IL1RN: variants seen among roughly 807,000 people sequenced by gnomAD.
The protein encoded by IL1RN is interleukin-1 receptor antagonist protein.
Under a neutral mutation model 13.7 loss-of-function variants are expected in IL1RN, and 10 were observed. That is an observed-to-expected ratio of 0.73 (90% CI 0.45 to 1.24). The LOEUF (loss-of-function observed/expected upper bound fraction) is 1.24. Ranked by LOEUF, IL1RN falls within the 50% of genes most tolerant of loss-of-function variation. IL1RN has a pLI of 0.00. For missense variants in IL1RN, 213 were observed against 222.1 expected (o/e 0.96, Z 0.26); for synonymous variants, 102 against 82.7 (o/e 1.23, Z -1.27).
chr2:113,127,526 G>A, upstream of IL1RN: 2 of 1,515,128 alleles, frequency 1.3e-6, no homozygotes, highest in East Asian at 4.8e-5. Context: ...TCGCAGTGGG[G>A]CAGGGTGGCA....
At chr2:113,114,680 TGAGA>T (rs143704495), upstream of IL1RN, among the ~76,000 whole-genome samples, 3 of 151,012 alleles carry the variant, frequency 2.0e-5, no homozygotes, top group South Asian at 2.1e-4. Context: ...TGTGTGTGTG[TGAGA>T]GAGAGAGAGA....
Position 113,127,670 on chromosome 2 carries a change from C to G in IL1RN, c.46C>G (p.Leu16Val). ...GLRSHLITLL[L>V]FLFHSETICR... The stretch of plus-strand genomic sequence containing the variant: ...CCGCAGTCACCTAATCACTCTCCTC[C>G]TCTTCCTGTTCCATTCAGAGACGAT... The change falls in exon 1 of 4, where the codon CTC becomes GTC. Residue 16 changes from leucine (L) to valine (V), a missense_variant. By Grantham distance (32) the Leu-to-Val change is conservative. Transcript: ENST00000409930. 2.5e-6 allele frequency: 4 copies of G among 1,614,136 alleles called. No homozygotes were observed. Among genetic ancestry groups the G allele is most frequent in the Non-Finnish European group, 3.4e-6 (4 of 1,180,024 alleles).
the IL1RN span, among the ~76,000 whole-genome samples, chr2:113,100,667 T>A: frequency 6.6e-6 from 1 of 152,162 alleles, no homozygotes; most frequent in Admixed American, 6.5e-5. Context: ...AGTTAGTAAG[T>A]GGTGCCGACA....
chr2:113,126,833 T>A (rs867036684), upstream of IL1RN, among the ~76,000 whole-genome samples: 1 of 152,224 alleles, frequency 6.6e-6, no homozygotes. Context: ...AGGTTGAATT[T>A]AGACCCATTC....
chr2:113,107,731 A>AAAACC (rs779447893), upstream of IL1RN, among the ~76,000 whole-genome samples: 19 of 152,150 alleles, frequency 1.2e-4, no homozygotes, highest in Admixed American at 3.3e-4. Flanking sequence ...AGACTGCCTC[A>AAAACC]AAACCAAACC....
At chr2:113,123,192 A>G (rs1686839810), upstream of IL1RN, among the ~76,000 whole-genome samples, 1 of 152,114 alleles carries the variant, frequency 6.6e-6, no homozygotes, top group African/African-American at 2.4e-5. Context: ...TTTATGACCA[A>G]CTCTCCTGCT....
chr2:113,128,839 G>A (rs1233725511), intron 1 of IL1RN, among the ~76,000 whole-genome samples: 1 of 152,160 alleles, frequency 6.6e-6, no homozygotes, highest in African/African-American at 2.4e-5. Context: ...ACAGCTTTGA[G>A]TCCTGCTCTC....
chr2:113,131,616 C>T (rs1435447281), intron 3 of IL1RN, among the ~76,000 whole-genome samples: 2 of 152,124 alleles, frequency 1.3e-5, no homozygotes, highest in African/African-American at 4.8e-5. Context: ...TAACCATCTA[C>T]CACAGGACCT....
At chr2:113,127,128 C>G (rs1179782049), upstream of IL1RN, among the ~76,000 whole-genome samples, 1 of 152,194 alleles carries the variant, frequency 6.6e-6, no homozygotes, top group Non-Finnish European at 1.5e-5. Flanking sequence ...CTATCTCGTC[C>G]TTTACAGAAT....
chr2:113,132,728 G>T lies in IL1RN; in HGVS notation c.391G>T (p.Gly131Cys), dbSNP rs1687217114. The T allele has an allele frequency of 4.3e-6, 7 of 1,614,190 alleles. No homozygotes were observed. The highest frequency in any genetic ancestry group is 2.2e-5 in the East Asian group (1 of 44,884). Residue 131 changes from glycine (G) to cysteine (C), a missense_variant, in exon 4 of 4, where the codon GGC (glycine) becomes TGC (cysteine). Physicochemically the swap from Gly to Cys is radical, Grantham distance 159. Transcript: ENST00000409930. ...KRFAFIRSDS[G>C]PTTSFESAAC... Reference sequence around the variant, plus strand: ...CTTCGCCTTCATCCGCTCAGACAGTGGCCCCACCACCAGTTTTGAGTCTGC... The same window carrying T: ...CTTCGCCTTCATCCGCTCAGACAGTTGCCCCACCACCAGTTTTGAGTCTGC...
chr2:113,130,614 C>CTTGGTTTAATCTTCTATTT (rs1687136120), intron 2 of IL1RN, among the ~76,000 whole-genome samples: 3 of 117,856 alleles, frequency 2.5e-5, no homozygotes, highest in East Asian at 2.5e-4. Flanking sequence ...GGGTAGTGTG[C>CTTGGTTTAATCTTCTATTT]ATCCTGGGGA....
chr2:113,103,128 T>C (rs115405746), upstream of IL1RN, among the ~76,000 whole-genome samples: 614 of 152,206 alleles, frequency 4.0e-3, 2 homozygotes, highest in African/African-American at 0.014. Flanking sequence ...TAGATCAGAG[T>C]GGGCACATGG....
the IL1RN span, among the ~76,000 whole-genome samples, chr2:113,099,895 C>T: frequency 4.5e-4 from 62 of 137,638 alleles, no homozygotes; most frequent in South Asian, 2.5e-3. Context: ...CCACCACGCC[C>T]GGCTAATTTT....
upstream of IL1RN, among the ~76,000 whole-genome samples, chr2:113,127,117 A>G (rs979349858): frequency 6.6e-6 from 1 of 152,236 alleles, no homozygotes; most frequent in African/African-American, 2.4e-5. Flanking sequence ...TAAAATATTT[A>G]CTATCTCGTC....
upstream of IL1RN, among the ~76,000 whole-genome samples, chr2:113,103,966 T>C (rs1460904959): frequency 6.6e-6 from 1 of 151,660 alleles, no homozygotes; most frequent in African/African-American, 2.4e-5. Flanking sequence ...CACCAAGTTA[T>C]TTTATTTAAT....
At chr2:113,120,014 C>T in intron 1 of IL1RN, 1 of 1,414,514 alleles carries the variant, frequency 7.1e-7, no homozygotes, top group South Asian at 1.2e-5. Flanking sequence ...ATTCATTTCT[C>T]TGGACCTCTG....
the IL1RN span, among the ~76,000 whole-genome samples, chr2:113,100,186 C>T: frequency 1.3e-5 from 2 of 150,998 alleles, no homozygotes; most frequent in South Asian, 2.1e-4. Context: ...ATTAGCCGGG[C>T]GTGGTGGCGG....
At chr2:113,115,002 C>T (rs1459974325), upstream of IL1RN, among the ~76,000 whole-genome samples, 1 of 152,138 alleles carries the variant, frequency 6.6e-6, no homozygotes, top group African/African-American at 2.4e-5. Flanking sequence ...GGGGCTGTTT[C>T]ACAAGCTGAG....
upstream of IL1RN, among the ~76,000 whole-genome samples, chr2:113,110,949 T>C (rs1338599114): frequency 1.3e-5 from 2 of 152,232 alleles, no homozygotes; most frequent in African/African-American, 4.8e-5. Context: ...ACTTCCCTGA[T>C]ACTTACTTCT....
Sources: gnomAD v4.1 joint callset for allele counts (sites outside exome capture counted in the v4.1 genomes callset) on GRCh38, gnomAD v4.1.1 for gene constraint, MANE v1.5 for transcripts, NCBI Gene and HGNC (gene_info 2026-07-23, HGNC 2026-07-21) for gene names.